ASPH: variants seen among roughly 807,000 people sequenced by gnomAD.
The protein encoded by ASPH is aspartate beta-hydroxylase, also known as aspartyl/asparaginyl beta-hydroxylase.
ASPH carries 100 observed loss-of-function variants against 118.4 expected under a neutral mutation model. The ratio of observed to expected loss-of-function variants is 0.84; its 90% confidence interval spans 0.72 to 1.00. The LOEUF (loss-of-function observed/expected upper bound fraction) is 1.00, where lower values mean the gene tolerates loss of function less well. Ranked by LOEUF, ASPH falls within the 50% of genes least tolerant of loss-of-function variation. ASPH has a pLI of 0.00. For missense variants in ASPH, 920 were observed against 919.5 expected (o/e 1.00, Z -0.01); for synonymous variants, 315 against 325.6 (o/e 0.97, Z 0.35).
intron 10 of ASPH, among the ~76,000 whole-genome samples, chr8:61,640,901 G>A (rs1433275461): frequency 6.6e-6 from 1 of 152,072 alleles, no homozygotes; most frequent in Non-Finnish European, 1.5e-5. Flanking sequence ...TATGTTCTGG[G>A]GTTTGCAAGT....
Position 61,633,704 on chromosome 8 carries a change from C to A in ASPH, c.913G>T (p.Glu305Ter). The A allele has an allele frequency of 6.3e-7, 1 of 1,599,560 alleles. No homozygotes were observed. Among genetic ancestry groups the A allele is most frequent in the Non-Finnish European group, 8.5e-7 (1 of 1,172,794 alleles). The change falls in exon 13 of 25, where the codon GAA (glutamate) becomes TAA (stop). Residue 305 changes from glutamate (E) to a stop codon, truncating the protein, a stop_gained. Coordinates refer to ENST00000379454, the MANE Select transcript of ASPH (RefSeq NM_004318.4). LOFTEE classifies it high-confidence loss of function. ...ATACCTGGTGGTACTTCCTGCTGTT[C>A]TTCCACAGGAAAAATGCTTACTTCT... ...VEEVSIFPVE[E>*]QQEVPPETNR...
intron 13 of ASPH, chr8:61,624,689 C>A: frequency 3.0e-6 from 3 of 985,524 alleles, no homozygotes; most frequent in Non-Finnish European, 3.6e-6. Context: ...TTAAAGTTAA[C>A]CACAGCATAA....
chr8:61,555,874 A>T (rs1451087205), intron 19 of ASPH, 50 bp downstream of exon 19: 2 of 1,513,286 alleles, frequency 1.3e-6, no homozygotes, highest in Non-Finnish European at 1.8e-6. Flanking sequence ...GTGTCCCAAT[A>T]ACTCGAAGGA....
Position 61,680,999 on chromosome 8 carries a change from A to C in ASPH, c.291T>G (p.Asp97Glu). ...AAACTTTGGCATCATCCACATCAAAATCTCCATCACCATCAGCATCATAGA... is the reference window on the plus strand; with the variant it reads ...AAACTTTGGCATCATCCACATCAAACTCTCCATCACCATCAGCATCATAGA... Reference protein sequence around the residue: ...LGIYDADGDGDFDVDDAKVLL... With the variant: ...LGIYDADGDGEFDVDDAKVLL... Residue 97 changes from aspartate (D) to glutamate (E), a missense_variant, in exon 3 of 25, where the codon GAT (aspartate) becomes GAG (glutamate). Physicochemically the swap from Asp to Glu is conservative, Grantham distance 45 (BLOSUM62 2). Transcript: ENST00000379454. 1 of 1,606,054 alleles carries C rather than the reference A, an allele frequency of 6.2e-7. No individual in the cohort carries two copies. Among genetic ancestry groups the C allele is most frequent in the South Asian group, 1.1e-5 (1 of 89,552 alleles).
chr8:61,518,993 C>G (rs1811958216), intron 22 of ASPH, among the ~76,000 whole-genome samples: 1 of 152,210 alleles, frequency 6.6e-6, no homozygotes, highest in Non-Finnish European at 1.5e-5. Flanking sequence ...ATGGAGACGA[C>G]AGTATCACAT....
chr8:61,535,797 T>A (rs970447407), intron 21 of ASPH, among the ~76,000 whole-genome samples: 1 of 152,220 alleles, frequency 6.6e-6, no homozygotes, highest in African/African-American at 2.4e-5. Flanking sequence ...AGCAGTGTAA[T>A]CTGCCTTAGA....
chr8:61,665,363 TTCA>T (rs752400070), intron 3 of ASPH: 1 of 1,613,946 alleles, frequency 6.2e-7, no homozygotes, highest in East Asian at 2.2e-5. Context: ...AGAAACATCC[TTCA>T]TATTTGTTGA....
At chr8:61,598,459 A>C (rs945547998) in intron 14 of ASPH, among the ~76,000 whole-genome samples, 3 of 152,218 alleles carry the variant, frequency 2.0e-5, no homozygotes. Context: ...AGAGGACATA[A>C]TTCCACATAT....
intron 24 of ASPH, among the ~76,000 whole-genome samples, chr8:61,516,786 A>C (rs961640202): frequency 2.0e-5 from 3 of 152,198 alleles, no homozygotes; most frequent in Admixed American, 2.0e-4. Flanking sequence ...TAGGTACAGA[A>C]GCCAGAGCAA....
intron 3 of ASPH, among the ~76,000 whole-genome samples, chr8:61,654,319 T>C (rs888082988): frequency 2.6e-5 from 4 of 152,202 alleles, no homozygotes; most frequent in African/African-American, 9.7e-5. Flanking sequence ...TTAACTTAGT[T>C]ATTTGAAGTT....
At position 61,628,743 on chromosome 8, in the gene ASPH, C is replaced by T. The variant is rs980031920; in HGVS notation, c.934+4940G>A. On this transcript the variant is annotated intron_variant, in intron 13 of 24. Transcript: ENST00000379454. ...ATCTCTCCTTCTGTGTGTTGCTGTG[C>T]ACAGCTCTGAGAAATTAATTGTACT... Among the ~76,000 whole-genome samples the T allele has an allele frequency of 7.2e-5, 11 of 152,228 alleles. No homozygotes were observed. The South Asian group carries it at 8.3e-4, about 11-fold the overall frequency.
intron 21 of ASPH, among the ~76,000 whole-genome samples, chr8:61,529,637 TA>T (rs778636681): frequency 6.6e-6 from 1 of 152,210 alleles, no homozygotes; most frequent in African/African-American, 2.4e-5. Flanking sequence ...AGATCAATCC[TA>T]ATTACACTCG....
At chr8:61,693,936 A>C (rs2151812861) in intron 1 of ASPH, among the ~76,000 whole-genome samples, 1 of 152,234 alleles carries the variant, frequency 6.6e-6, no homozygotes, top group South Asian at 2.1e-4. Context: ...CCCGCCACAG[A>C]GGCAAGGGCA....
rs968283076 is a variant in ASPH, at chr8:61,689,744, A to G, written c.104-5556T>C. 11 of 1,543,928 alleles carry G rather than the reference A, an allele frequency of 7.1e-6. No homozygotes were observed. In the African/African-American group the frequency reaches 1.4e-4, roughly 20 times the overall value. Reference sequence around the variant, plus strand: ...GCTAAAGTAAAACAAAACAAAAAAAAAAACTCAAAAGTACTGCTGGCAGGT... The same window carrying G: ...GCTAAAGTAAAACAAAACAAAAAAAGAAACTCAAAAGTACTGCTGGCAGGT... On this transcript the variant is annotated intron_variant, in intron 1 of 24. Transcript: ENST00000379454.
chr8:61,705,865 C>G (rs1039557485), intron 1 of ASPH, among the ~76,000 whole-genome samples: 1 of 152,152 alleles, frequency 6.6e-6, no homozygotes, highest in East Asian at 1.9e-4. Flanking sequence ...CTGCAACTTA[C>G]TTCGAAAGGC....
intron 21 of ASPH, among the ~76,000 whole-genome samples, chr8:61,534,394 T>A (rs528830667): frequency 4.3e-4 from 65 of 152,348 alleles, no homozygotes; most frequent in African/African-American, 1.2e-3. Flanking sequence ...GCAAAACCCC[T>A]TATTAGTCTT....
At chr8:61,566,094 CT>C (rs1338220355) in intron 17 of ASPH, among the ~76,000 whole-genome samples, 1 of 152,154 alleles carries the variant, frequency 6.6e-6, no homozygotes, top group African/African-American at 2.4e-5. Flanking sequence ...GTTCTCATGC[CT>C]GCTAACACAA....
Position 61,644,599 on chromosome 8 carries a change from C to T in ASPH, c.652+1G>A, listed in dbSNP as rs1477732253. ...AGAACAGAATTAAATTAAAATCTCA[C>T]CTGTCTCTTCCACGTGGTAACTATG... On this transcript the variant is annotated splice_donor_variant, in intron 7 of 24. Coordinates refer to ENST00000379454, the MANE Select transcript of ASPH (RefSeq NM_004318.4). LOFTEE classifies it high-confidence loss of function. The T allele has an allele frequency of 6.3e-7, 1 of 1,582,190 alleles. No individual in the cohort carries two copies. The highest frequency in any genetic ancestry group is 1.8e-5 in the Admixed American group (1 of 56,442).
chr8:61,669,804 C>G lies in ASPH; in HGVS notation c.322+11164G>C, dbSNP rs75999998. ...AACCCAGACTGCCCTCTCCCTACCCCCACTGTTATGATCTAGGTAAAAAGA... is the reference window on the plus strand; with the variant it reads ...AACCCAGACTGCCCTCTCCCTACCCGCACTGTTATGATCTAGGTAAAAAGA... On this transcript the variant is annotated intron_variant, in intron 3 of 24. Transcript: ENST00000379454. Among the ~76,000 whole-genome samples, 520 of 152,232 alleles carry G rather than the reference C, an allele frequency of 3.4e-3. 2 individuals are homozygous for G. Among genetic ancestry groups the G allele is most frequent in the Middle Eastern group, 0.02 (6 of 294 alleles).
Sources: allele counts gnomAD v4.1 joint callset (sites outside exome capture counted in the v4.1 genomes callset), GRCh38; gene constraint gnomAD v4.1.1; transcripts MANE v1.5; gene names NCBI Gene and HGNC (gene_info 2026-07-23, HGNC 2026-07-21).